The following LRRC7 variants were observed in gnomAD, a reference collection of about 807,000 sequenced individuals.
LRRC7 encodes the protein leucine rich repeat containing 7.
A neutral mutation model predicts 175.7 loss-of-function variants in LRRC7; 23 were observed. The observed-to-expected ratio is 0.13, with a 90% CI of 0.09 to 0.19. LRRC7 has a LOEUF of 0.19. Ranked by LOEUF, LRRC7 falls within the 10% of genes least tolerant of loss-of-function variation. LRRC7 has a pLI of 1.00. For missense variants in LRRC7, 1,354 were observed against 1,904.7 expected (o/e 0.71, Z 5.38); for synonymous variants, 685 against 680.9 (o/e 1.01, Z -0.09).
chr1:69,829,623 T>G (rs1680312987), intron 5 of LRRC7, among the ~76,000 whole-genome samples: 2 of 151,872 alleles, frequency 1.3e-5, no homozygotes, highest in South Asian at 4.1e-4. Flanking sequence ...AAGTATTTAC[T>G]TAGCAGAATG....
At chr1:69,657,096 T>C (rs781735815) in intron 1 of LRRC7, among the ~76,000 whole-genome samples, 1 of 151,634 alleles carries the variant, frequency 6.6e-6, no homozygotes, top group Non-Finnish European at 1.5e-5. Flanking sequence ...AACCCCAAAT[T>C]AGATACTTAT....
intron 4 of LRRC7, 63 bp downstream of exon 4, chr1:69,792,223 C>A: frequency 3.4e-6 from 3 of 877,670 alleles, no homozygotes; most frequent in Non-Finnish European, 5.5e-6. Context: ...GCTTTAATAT[C>A]TTCTCTTAGC....
chr1:69,861,796 A>G (rs1684384977), intron 7 of LRRC7, among the ~76,000 whole-genome samples: 1 of 152,192 alleles, frequency 6.6e-6, no homozygotes, highest in African/African-American at 2.4e-5. Flanking sequence ...TTTATGCCTT[A>G]TACCCCGCAG....
At chr1:69,938,737 T>C (rs1329284898) in intron 8 of LRRC7, among the ~76,000 whole-genome samples, 1 of 151,802 alleles carries the variant, frequency 6.6e-6, no homozygotes, top group Non-Finnish European at 1.5e-5. Context: ...TTACCTAAAA[T>C]GCATGTATAC....
intron 2 of LRRC7, among the ~76,000 whole-genome samples, chr1:69,711,602 G>A (rs1447039952): frequency 6.6e-6 from 1 of 152,132 alleles, no homozygotes; most frequent in African/African-American, 2.4e-5. Context: ...CTTGCATTAG[G>A]CAATTTCATT....
chr1:69,837,890 A>G (rs1037689902), intron 6 of LRRC7, among the ~76,000 whole-genome samples: 3 of 151,496 alleles, frequency 2.0e-5, no homozygotes, highest in African/African-American at 7.2e-5. Context: ...CTGTTTGAAT[A>G]GTGATAATGA....
chr1:69,833,645 G>T lies in LRRC7; in HGVS notation c.501-1135G>T, dbSNP rs368931688. On this transcript the variant is annotated intron_variant, in intron 5 of 26. Coordinates refer to ENST00000651989, the MANE Select transcript of LRRC7 (RefSeq NM_001370785.2). ...ACGCAGATATAATGTCCCAGGAGAA[G>T]GAAGAGAAGCAGGAAAATTGTAGTA... Among the ~76,000 whole-genome samples, 32 of 152,106 alleles carry T rather than the reference G, an allele frequency of 2.1e-4. No homozygotes were observed. The East Asian group carries it at 5.6e-3, about 27-fold the overall frequency.
intron 7 of LRRC7, among the ~76,000 whole-genome samples, chr1:69,895,814 G>A (rs1645963396): frequency 1.3e-5 from 2 of 152,138 alleles, no homozygotes; most frequent in South Asian, 4.1e-4. Context: ...TTCCATGGCT[G>A]TTTATTCTTT....
At position 69,981,474 on chromosome 1, in the gene LRRC7, G is replaced by A. The variant is rs192016551; in HGVS notation, c.786+1021G>A. Reference sequence around the variant, plus strand: ...TTTTTACCATCAAAGACACAAAACAGAAAAATATGCACATCTATTGTTCAC... The same window carrying A: ...TTTTTACCATCAAAGACACAAAACAAAAAAATATGCACATCTATTGTTCAC... On this transcript the variant is annotated intron_variant, in intron 9 of 26. Transcript: ENST00000651989. 6.3e-3 allele frequency among the ~76,000 whole-genome samples: 955 copies of A among 152,164 alleles called. 4 individuals carry two copies. The highest frequency in any genetic ancestry group is 0.041 in the Middle Eastern group (12 of 294).
intron 2 of LRRC7, among the ~76,000 whole-genome samples, chr1:69,737,703 T>A (rs182970511): frequency 9.2e-5 from 14 of 151,996 alleles, no homozygotes; most frequent in Non-Finnish European, 1.9e-4. Flanking sequence ...GGTCTTCCAG[T>A]GTTAGACACT....
At chr1:69,919,502 A>C (rs1646816600) in intron 7 of LRRC7, 1 of 868,788 alleles carries the variant, frequency 1.2e-6, no homozygotes, top group East Asian at 2.6e-5. Flanking sequence ...AAAATCTGGC[A>C]GGGGGAGCCC....
chr1:69,842,162 C>T (rs1327533240), intron 7 of LRRC7, among the ~76,000 whole-genome samples: 1 of 151,822 alleles, frequency 6.6e-6, no homozygotes, highest in East Asian at 1.9e-4. Flanking sequence ...AAATATATGT[C>T]AAGATAAAAA....
intron 3 of LRRC7, among the ~76,000 whole-genome samples, chr1:69,779,179 A>T (rs1200865052): frequency 6.6e-6 from 1 of 151,992 alleles, no homozygotes; most frequent in Non-Finnish European, 1.5e-5. Flanking sequence ...AACTAACAAA[A>T]ATTTTACCAA....
intron 1 of LRRC7, among the ~76,000 whole-genome samples, chr1:69,624,177 A>G (rs1168298116): frequency 6.6e-6 from 1 of 152,170 alleles, no homozygotes; most frequent in Non-Finnish European, 1.5e-5. Context: ...TATCAGCCCT[A>G]ATGCATAATA....
intron 1 of LRRC7, among the ~76,000 whole-genome samples, chr1:69,655,361 T>C (rs1162361933): frequency 6.6e-6 from 1 of 151,826 alleles, no homozygotes; most frequent in African/African-American, 2.4e-5. Flanking sequence ...CAGCTTCTTG[T>C]AGTTTTCTGC....
chr1:69,906,934 A>G (rs937636515), intron 7 of LRRC7, among the ~76,000 whole-genome samples: 1 of 151,706 alleles, frequency 6.6e-6, no homozygotes, highest in African/African-American at 2.4e-5. Context: ...CTTTTATTTC[A>G]TTGAGCAGTG....
chr1:69,918,248 G>A (rs1343619389), intron 7 of LRRC7, among the ~76,000 whole-genome samples: 1 of 152,184 alleles, frequency 6.6e-6, no homozygotes, highest in Non-Finnish European at 1.5e-5. Context: ...CAAAATGTCA[G>A]TAGTGCTGAG....
chr1:70,007,973 G>A (rs368915855), intron 11 of LRRC7, among the ~76,000 whole-genome samples: 1 of 152,146 alleles, frequency 6.6e-6, no homozygotes, highest in Admixed American at 6.5e-5. Context: ...TTTGTACAAT[G>A]TGCTTGTATT....
In LRRC7 at chr1:70,126,376, T is replaced by C. The variant is rs1666456333; in HGVS notation, c.*4489T>C. On this transcript the variant is annotated 3_prime_UTR_variant, in exon 27 of 27. Coordinates refer to ENST00000651989, the MANE Select transcript of LRRC7 (RefSeq NM_001370785.2). Reference sequence around the variant, plus strand: ...GTATAAAGAAAAGCGGGGTTGAAGTTCCACTGTAGTTCCTTTCACAGAAAT... The same window carrying C: ...GTATAAAGAAAAGCGGGGTTGAAGTCCCACTGTAGTTCCTTTCACAGAAAT... Among the ~76,000 whole-genome samples the C allele has an allele frequency of 6.6e-6, 1 of 152,044 alleles. No homozygotes were observed. The highest frequency in any genetic ancestry group is 2.1e-4 in the South Asian group (1 of 4,808).
Sources: allele counts gnomAD v4.1 joint callset (sites outside exome capture counted in the v4.1 genomes callset), GRCh38; gene constraint gnomAD v4.1.1; transcripts MANE v1.5; gene names NCBI Gene and HGNC (gene_info 2026-07-23, HGNC 2026-07-21).